Variants in COL26A1 observed in about 807,000 individuals in gnomAD.
COL26A1 encodes collagen alpha-1(XXVI) chain.
COL26A1 carries 41 observed loss-of-function variants against 59.3 expected under a neutral mutation model. The observed-to-expected ratio is 0.69, with a 90% CI of 0.54 to 0.90. The LOEUF (loss-of-function observed/expected upper bound fraction) is 0.90, where lower values mean the gene tolerates loss of function less well. Among genes scored for constraint, COL26A1 ranks in the 40% least tolerant of loss-of-function variants. COL26A1 has a pLI of 0.00. For missense variants in COL26A1, 612 were observed against 602.3 expected, an observed-to-expected ratio of 1.02 and a Z score of -0.17; for synonymous variants, 266 against 256.0, an observed-to-expected ratio of 1.04 and a Z score of -0.37.
At chr7:101,476,950 T>C (rs1022400966) in intron 3 of COL26A1, among the ~76,000 whole-genome samples, 2 of 151,786 alleles carry the variant, frequency 1.3e-5, no homozygotes, top group African/African-American at 4.8e-5. Flanking sequence ...TTCAAGTGAT[T>C]CTCCTGCCTC....
chr7:101,553,277 G>A, intron 10 of COL26A1, 49 bp from the exon 11 acceptor site: 1 of 1,559,992 alleles, frequency 6.4e-7, no homozygotes, highest in Non-Finnish European at 8.8e-7. Context: ...AGGGTGGAGA[G>A]GTGCCCCCAC....
intron 3 of COL26A1, among the ~76,000 whole-genome samples, chr7:101,471,692 G>A (rs1284979482): frequency 4.1e-5 from 6 of 146,524 alleles, no homozygotes; most frequent in African/African-American, 1.5e-4. Context: ...CGATTCTCCT[G>A]CCTCAGCCTT....
intron 3 of COL26A1, among the ~76,000 whole-genome samples, chr7:101,488,349 A>ATAT (rs1794311937): frequency 9.5e-6 from 1 of 104,988 alleles, no homozygotes; most frequent in African/African-American, 4.2e-5. Context: ...AATTTTATTT[A>ATAT]ATATATATAT....
At position 101,557,704 on chromosome 7, in the gene COL26A1, G is replaced by T. The variant is rs1044249918; in HGVS notation, c.*174G>T. The T allele has an allele frequency of 4.8e-6, 3 of 631,192 alleles. No homozygotes were observed. Among genetic ancestry groups the T allele is most frequent in the South Asian group, 2.4e-5 (1 of 40,832 alleles). 39.1% of individuals were successfully genotyped at this position (631,192 alleles called of 1,614,324 possible). On this transcript the variant is annotated 3_prime_UTR_variant, in exon 13 of 13. Transcript: ENST00000313669. Reference sequence around the variant, plus strand: ...GTCTCCAGGGGCAGGGTCTGGAGGGGCCAACACCCTCATCAGAGCCCTCCT... The same window carrying T: ...GTCTCCAGGGGCAGGGTCTGGAGGGTCCAACACCCTCATCAGAGCCCTCCT...
intron 1 of COL26A1, among the ~76,000 whole-genome samples, chr7:101,389,842 C>T (rs183585143): frequency 2.0e-5 from 3 of 151,914 alleles, no homozygotes; most frequent in Non-Finnish European, 2.9e-5. Flanking sequence ...CGTGAGCCAC[C>T]GCGTCTGGCA....
intron 1 of COL26A1, among the ~76,000 whole-genome samples, chr7:101,411,527 G>C (rs1584384216): frequency 6.6e-6 from 1 of 152,128 alleles, no homozygotes; most frequent in East Asian, 1.9e-4. Context: ...GGCAGGGAAG[G>C]GAGGGAGGAA....
At chr7:101,386,750 C>T (rs1305903659) in intron 1 of COL26A1, among the ~76,000 whole-genome samples, 3 of 152,160 alleles carry the variant, frequency 2.0e-5, no homozygotes, top group Non-Finnish European at 4.4e-5. Context: ...GATTCTGACC[C>T]GAAGTGAACC....
intron 1 of COL26A1, among the ~76,000 whole-genome samples, chr7:101,392,895 G>A (rs1307820308): frequency 6.6e-6 from 1 of 151,090 alleles, no homozygotes; most frequent in African/African-American, 2.5e-5. Flanking sequence ...AGATAGGTAA[G>A]TCCTAATCCC....
intron 7 of COL26A1, among the ~76,000 whole-genome samples, chr7:101,546,660 G>A (rs1298080589): frequency 6.6e-6 from 1 of 152,132 alleles, no homozygotes; most frequent in Admixed American, 6.5e-5. Flanking sequence ...AATCAGGTGA[G>A]GGGCTCATCC....
chr7:101,362,557 C>G (rs143925235), upstream of COL26A1, among the ~76,000 whole-genome samples: 418 of 152,320 alleles, frequency 2.7e-3, 2 homozygotes, highest in African/African-American at 9.8e-3. Flanking sequence ...CCATCGAGGG[C>G]AGTGTGGCGA....
At chr7:101,510,255 G>A (rs1390850942) in intron 3 of COL26A1, among the ~76,000 whole-genome samples, 1 of 152,014 alleles carries the variant, frequency 6.6e-6, no homozygotes, top group Non-Finnish European at 1.5e-5. Context: ...CAAACTCCTG[G>A]GCTCAAGCAA....
chr7:101,405,908 G>A (rs978705589), intron 1 of COL26A1, among the ~76,000 whole-genome samples: 4 of 152,186 alleles, frequency 2.6e-5, no homozygotes, highest in Non-Finnish European at 5.9e-5. Flanking sequence ...GCTCTCAGGT[G>A]GGGTGGGCCC....
intron 9 of COL26A1, 25 bp downstream of exon 9, chr7:101,549,248 G>A (rs1166746103): frequency 5.1e-6 from 8 of 1,570,210 alleles, no homozygotes; most frequent in Non-Finnish European, 5.2e-6. Flanking sequence ...ATTTTAGGTA[G>A]GGTGTGGGAG....
intron 2 of COL26A1, among the ~76,000 whole-genome samples, chr7:101,423,553 T>G (rs1431561137): frequency 6.6e-6 from 1 of 151,918 alleles, no homozygotes; most frequent in Non-Finnish European, 1.5e-5. Context: ...GCCAATATGG[T>G]GAAATCCCAT....
At chr7:101,500,564 AC>A (rs2130556801) in intron 3 of COL26A1, among the ~76,000 whole-genome samples, 1 of 152,146 alleles carries the variant, frequency 6.6e-6, no homozygotes, top group African/African-American at 2.4e-5. Flanking sequence ...ATGTCTGTAA[AC>A]CCAGCACACT....
intron 3 of COL26A1, among the ~76,000 whole-genome samples, chr7:101,483,058 A>C (rs989876040): frequency 1.3e-5 from 2 of 152,068 alleles, no homozygotes; most frequent in African/African-American, 4.8e-5. Context: ...TACGGCCTCA[A>C]CCTCTTACAA....
At chr7:101,509,135 A>T (rs1794870352) in intron 3 of COL26A1, among the ~76,000 whole-genome samples, 2 of 152,058 alleles carry the variant, frequency 1.3e-5, no homozygotes, top group African/African-American at 4.8e-5. Flanking sequence ...GGGGAGGAAG[A>T]GGTGCCAGCT....
intron 3 of COL26A1, among the ~76,000 whole-genome samples, chr7:101,489,811 T>C (rs551282240): frequency 0.022 from 73 of 3,252 alleles, 1 homozygote; most frequent in Non-Finnish European, 0.034. Context: ...TCTTTCTTTC[T>C]TTCTTTCTTT....
intron 1 of COL26A1, among the ~76,000 whole-genome samples, chr7:101,395,659 T>A (rs1791838586): frequency 6.6e-6 from 1 of 152,126 alleles, no homozygotes; most frequent in South Asian, 2.1e-4. Context: ...TCTTTTGCGG[T>A]GATTTTGTGA....
Sources: allele counts gnomAD v4.1 joint callset (sites outside exome capture counted in the v4.1 genomes callset), GRCh38; gene constraint gnomAD v4.1.1; transcripts MANE v1.5; gene names NCBI Gene and HGNC (gene_info 2026-07-23, HGNC 2026-07-21).